Variants in ZNF407 observed in about 807,000 individuals in gnomAD.
The protein encoded by ZNF407 is zinc finger protein 407.
Under a neutral mutation model 131.2 loss-of-function variants are expected in ZNF407, and 17 were observed. The observed-to-expected ratio is 0.13, with a 90% confidence interval of 0.09 to 0.19. The LOEUF (loss-of-function observed/expected upper bound fraction) is 0.19. ZNF407 is among the 10% of genes least tolerant of loss of function. The pLI is 1.00. For synonymous variants in ZNF407, 1,156 were observed against 1,062.0 expected, an observed-to-expected ratio of 1.09 and a Z score of -1.72; for missense variants, 2,681 against 2,830.6, an observed-to-expected ratio of 0.95 and a Z score of 1.20.
chr18:74,854,604 C>T (rs908635479), intron 4 of ZNF407, among the ~76,000 whole-genome samples: 3 of 152,010 alleles, frequency 2.0e-5, no homozygotes, highest in African/African-American at 7.3e-5. Context: ...GAAAAATAAT[C>T]TCCCCCTTTA....
At position 75,063,094 on chromosome 18, in the gene ZNF407, A is replaced by T; in HGVS notation, c.5429-56A>T. ...AGCGCTTCTGCAGAAGAAGTGTCTT[A>T]CTTGTAAGCCTACGAGTACTTTTTC... On this transcript the variant is annotated intron_variant, in intron 8 of 8. Transcript: ENST00000299687. The surrounding 1 kb of genome is among the most constrained non-coding windows in gnomAD (Gnocchi z 6.6). 6.8e-7 allele frequency: 1 copy of T among 1,473,848 alleles called. No individual in the cohort carries two copies. Among genetic ancestry groups the T allele is most frequent in the Non-Finnish European group, 9.1e-7 (1 of 1,093,362 alleles). The allele number at this position is 1,473,848 out of a possible 1,614,324, so 91.3% of individuals were successfully genotyped here.
intron 7 of ZNF407, among the ~76,000 whole-genome samples, chr18:74,909,198 A>T (rs1247760585): frequency 6.6e-6 from 1 of 151,992 alleles, no homozygotes; most frequent in African/African-American, 2.4e-5. Flanking sequence ...GCTCATACAT[A>T]TACTGTAACT....
chr18:74,633,974 T>C lies in ZNF407; in HGVS notation c.2955T>C (p.Leu985=). 6.2e-7 allele frequency: 1 copy of C among 1,614,048 alleles called. No homozygotes were observed. The highest frequency in any genetic ancestry group is 8.5e-7 in the Non-Finnish European group (1 of 1,179,910). The change falls in exon 2 of 9, where the codon CTT becomes CTC. Residue 985 remains leucine, a synonymous_variant. Transcript: ENST00000299687. ...HSLDGEVNSH[L]LDKKEQISSE... is the part of the protein sequence containing the mutation. ...TAGATGGAGAAGTTAACAGCCATCT[T>C]CTTGATAAAAAGGAGCAAATATCTT...
chr18:74,743,379 G>T (rs1260220855), intron 3 of ZNF407, among the ~76,000 whole-genome samples: 1 of 152,008 alleles, frequency 6.6e-6, no homozygotes, highest in African/African-American at 2.4e-5. Flanking sequence ...GTGTGTGTGT[G>T]TATTTTCATG....
At chr18:74,994,017 TTTC>T (rs1972749524) in intron 8 of ZNF407, among the ~76,000 whole-genome samples, 1 of 152,246 alleles carries the variant, frequency 6.6e-6, no homozygotes, top group Non-Finnish European at 1.5e-5. Flanking sequence ...TGCGCCAGAA[TTTC>T]TTCTTCTTTT....
chr18:74,922,910 T>C (rs1281241543), intron 8 of ZNF407, among the ~76,000 whole-genome samples: 1 of 152,230 alleles, frequency 6.6e-6, no homozygotes, highest in Non-Finnish European at 1.5e-5. Flanking sequence ...GCATTTTTAC[T>C]CTGTGGGTCT....
intron 7 of ZNF407, chr18:74,898,570 T>C (rs879868762): frequency 3.3e-5 from 5 of 152,212 alleles, no homozygotes; most frequent in Admixed American, 3.3e-4. Flanking sequence ...TATTAATCTT[T>C]CCTCTTTAAA....
At chr18:75,004,747 G>A (rs772375125) in intron 8 of ZNF407, among the ~76,000 whole-genome samples, 5 of 152,254 alleles carry the variant, frequency 3.3e-5, no homozygotes, top group African/African-American at 9.6e-5. Context: ...TTCTTCAGCC[G>A]TCATCAACCA....
intron 3 of ZNF407, among the ~76,000 whole-genome samples, chr18:74,704,265 A>C (rs1190518465): frequency 6.6e-6 from 1 of 152,186 alleles, no homozygotes; most frequent in Non-Finnish European, 1.5e-5. Flanking sequence ...TAATTCTTCG[A>C]AGCATCTTGG....
At chr18:74,777,964 C>A (rs977738949) in intron 3 of ZNF407, among the ~76,000 whole-genome samples, 8 of 152,206 alleles carry the variant, frequency 5.3e-5, no homozygotes, top group Non-Finnish European at 1.2e-4. Context: ...TGGCTTCAGT[C>A]CCAGCTACTG....
chr18:74,703,591 CCTGACCTCAGGTGAT>C lies in ZNF407; in HGVS notation c.4802+62473_4802+62487del, dbSNP rs1187171464. ...AGGTTTATCAGGCTGGTCTCGAACT[CCTGACCTCAGGTGAT>C]CTGCCCTCCTCGGCCTCCCAAAGTG... is the stretch of plus-strand genomic sequence containing the variant. On this transcript the variant is annotated intron_variant, in intron 3 of 8. Transcript: ENST00000299687. The surrounding 1 kb of genome is among the most constrained non-coding windows in gnomAD (Gnocchi z 4.1). Among the ~76,000 whole-genome samples, 1 of 152,164 alleles carries C rather than the reference CCTGACCTCAGGTGAT, an allele frequency of 6.6e-6. No individual in the cohort carries two copies. The highest frequency in any genetic ancestry group is 1.5e-5 in the Non-Finnish European group (1 of 68,030).
At chr18:74,853,148 T>C (rs1475178666) in intron 4 of ZNF407, among the ~76,000 whole-genome samples, 1 of 152,188 alleles carries the variant, frequency 6.6e-6, no homozygotes, top group Non-Finnish European at 1.5e-5. Flanking sequence ...TACACTAGAT[T>C]AGAATGGCTT....
chr18:74,794,283 T>C (rs567636986), intron 4 of ZNF407, among the ~76,000 whole-genome samples: 4 of 152,312 alleles, frequency 2.6e-5, no homozygotes, highest in Middle Eastern at 3.4e-3. Flanking sequence ...GTGCCTTAGG[T>C]TGATGTTAGC....
At chr18:75,031,187 G>A (rs1057312199) in intron 8 of ZNF407, among the ~76,000 whole-genome samples, 4 of 152,194 alleles carry the variant, frequency 2.6e-5, no homozygotes, top group Admixed American at 2.6e-4. Flanking sequence ...TTAATAAGGG[G>A]AGTTCAGCTT....
At chr18:74,628,208 A>T (rs9954993) in intron 1 of ZNF407, among the ~76,000 whole-genome samples, 52,187 of 152,004 alleles carry the variant, frequency 0.34, 9,629 homozygotes, top group African/African-American at 0.49. Context: ...CTTTTTACTC[A>T]TTTTCAAATA....
At chr18:74,809,088 G>A (rs1970156483) in intron 4 of ZNF407, among the ~76,000 whole-genome samples, 1 of 151,960 alleles carries the variant, frequency 6.6e-6, no homozygotes, top group Non-Finnish European at 1.5e-5. Flanking sequence ...TATTTCCCAG[G>A]ATTCTTTTAC....
intron 4 of ZNF407, among the ~76,000 whole-genome samples, chr18:74,861,748 T>C (rs1970940306): frequency 6.6e-6 from 1 of 152,258 alleles, no homozygotes; most frequent in African/African-American, 2.4e-5. Context: ...CATTGACTTT[T>C]ATATTCGTGT....
chr18:74,713,862 A>C (rs995887673), intron 3 of ZNF407, among the ~76,000 whole-genome samples: 3 of 152,172 alleles, frequency 2.0e-5, no homozygotes, highest in Non-Finnish European at 2.9e-5. Context: ...AATGACAACT[A>C]ATGGACTTCT....
At chr18:74,746,185 C>T (rs34883092) in intron 3 of ZNF407, among the ~76,000 whole-genome samples, 19,727 of 151,984 alleles carry the variant, frequency 0.13, 2,200 homozygotes, top group African/African-American at 0.3. Context: ...GAGTACAGTA[C>T]GAAAGATAAA....
Sources: gnomAD v4.1 joint callset for allele counts (sites outside exome capture counted in the v4.1 genomes callset) on GRCh38, gnomAD v4.1.1 for gene constraint, Gnocchi (gnomAD v3.1) non-coding constraint, MANE v1.5 for transcripts, NCBI Gene and HGNC (gene_info 2026-07-23, HGNC 2026-07-21) for gene names.